The following PCDHA2 variants were observed in gnomAD, a reference collection of about 807,000 sequenced individuals.
The protein encoded by PCDHA2 is protocadherin alpha-2.
PCDHA2 carries 58 observed loss-of-function variants against 66.0 expected under a neutral mutation model. The observed-to-expected ratio is 0.88, with a 90% confidence interval of 0.71 to 1.09. The LOEUF (loss-of-function observed/expected upper bound fraction) is 1.09, where lower values mean the gene tolerates loss of function less well. Ranked by LOEUF, PCDHA2 falls within the 50% of genes least tolerant of loss-of-function variation. The pLI, the probability that PCDHA2 is intolerant of heterozygous loss-of-function variation, is 0.00. For missense variants in PCDHA2, 1,267 were observed against 1,242.3 expected (o/e 1.02, Z -0.30); for synonymous variants, 634 against 554.0 (o/e 1.14, Z -2.03).
chr5:140,914,639 G>C (rs1348153716), intron 1 of PCDHA2, among the ~76,000 whole-genome samples: 5 of 151,890 alleles, frequency 3.3e-5, no homozygotes, highest in Admixed American at 3.3e-4. Context: ...TGGTTTCATG[G>C]TCATCTCTCC....
chr5:140,851,436 G>C, intron 1 of PCDHA2: 2 of 931,614 alleles, frequency 2.1e-6, no homozygotes, highest in East Asian at 2.3e-4. Context: ...TTAGAAAACA[G>C]TTGCTCCACT....
At chr5:141,000,223 G>A (rs1190945878) in intron 3 of PCDHA2, among the ~76,000 whole-genome samples, 2 of 151,642 alleles carry the variant, frequency 1.3e-5, no homozygotes, top group African/African-American at 4.8e-5. Flanking sequence ...AAATGCCTGT[G>A]TGGAGCTGAA....
rs186341301 is a variant in PCDHA2 at position 140,890,770 on chromosome 5, A to G, written c.2389-88179A>G. Among the ~76,000 whole-genome samples the G allele has an allele frequency of 8.0e-3, 1,216 of 152,240 alleles. 6 individuals are homozygous for G. Among genetic ancestry groups the G allele is most frequent in the African/African-American group, 0.019 (786 of 41,520 alleles). On this transcript the variant is annotated intron_variant, in intron 1 of 3. Transcript: ENST00000526136. Reference sequence around the variant, plus strand: ...CTGTCATGCTTTAAAAATATTTTAAAACCCCATAAGATATTAGTATTATTT... The same window carrying G: ...CTGTCATGCTTTAAAAATATTTTAAGACCCCATAAGATATTAGTATTATTT...
chr5:140,853,979 T>A, intron 1 of PCDHA2: 2 of 564,826 alleles, frequency 3.5e-6, no homozygotes, highest in Non-Finnish European at 4.6e-6. Flanking sequence ...TTGAGACCAA[T>A]GTAGTGAGAC....
At chr5:140,963,957 A>T (rs1585999636) in intron 1 of PCDHA2, among the ~76,000 whole-genome samples, 1 of 152,230 alleles carries the variant, frequency 6.6e-6, no homozygotes. Flanking sequence ...CACTGGCAGG[A>T]GTGTGACTGA....
At chr5:140,801,705 T>C in intron 1 of PCDHA2, 1 of 1,614,222 alleles carries the variant, frequency 6.2e-7, no homozygotes, top group Non-Finnish European at 8.5e-7. Context: ...GTTGTTGACT[T>C]ACAGTCTTGA....
intron 1 of PCDHA2, among the ~76,000 whole-genome samples, chr5:140,881,694 G>C (rs1375930995): frequency 6.6e-6 from 1 of 152,126 alleles, no homozygotes; most frequent in Non-Finnish European, 1.5e-5. Flanking sequence ...TCCTTTTGGA[G>C]TCAATGGCTG....
intron 3 of PCDHA2, among the ~76,000 whole-genome samples, chr5:140,999,230 G>A (rs2097851745): frequency 6.6e-6 from 1 of 152,194 alleles, no homozygotes; most frequent in Non-Finnish European, 1.5e-5. Flanking sequence ...TTTGAGAATA[G>A]GTGGTTAAAG....
chr5:140,798,546 G>A (rs1762336867), intron 1 of PCDHA2, among the ~76,000 whole-genome samples: 1 of 152,038 alleles, frequency 6.6e-6, no homozygotes. Flanking sequence ...TTATCATTAG[G>A]CCAATGTGTG....
rs782004703 is a variant in PCDHA2, at chr5:140,807,238, ACTT to A, written c.2388+9892_2388+9894del. 71 of 1,614,010 alleles carry A rather than the reference ACTT, an allele frequency of 4.4e-5. No individual in the cohort carries two copies. In the East Asian group the frequency reaches 7.4e-4, roughly 17 times the overall value. On this transcript the variant is annotated intron_variant, in intron 1 of 3. Coordinates refer to ENST00000526136, the MANE Select transcript of PCDHA2 (RefSeq NM_018905.3). ...AGGAATCCCGGCGTCTGCTGCTCTT[ACTT>A]CTTCTCCTCGCAGCCTGGGAGGCAG... is the stretch of plus-strand genomic sequence containing the variant.
intron 1 of PCDHA2, chr5:140,824,471 T>C (rs1044239282): frequency 9.9e-6 from 4 of 402,254 alleles, no homozygotes; most frequent in African/African-American, 2.1e-5. Context: ...TTTATTTTAT[T>C]GTTATTTTTT....
intron 1 of PCDHA2, chr5:140,853,539 T>A: frequency 1.0e-6 from 1 of 979,080 alleles, no homozygotes; most frequent in South Asian, 4.8e-5. Context: ...TCTTTTCAAG[T>A]TGTAATTACT....
intron 1 of PCDHA2, among the ~76,000 whole-genome samples, chr5:140,833,662 C>T (rs1772571447): frequency 6.6e-6 from 1 of 152,130 alleles, no homozygotes; most frequent in South Asian, 2.1e-4. Context: ...AATTCTTCCC[C>T]TTCAAAGATT....
intron 1 of PCDHA2, 127 bp from the exon 2 acceptor site, chr5:140,978,822 A>G: frequency 6.6e-7 from 1 of 1,521,216 alleles, no homozygotes; most frequent in Non-Finnish European, 8.8e-7. Context: ...GTTACACATG[A>G]AATGGCTCAT....
At chr5:140,798,446 G>A (rs1762328057) in intron 1 of PCDHA2, among the ~76,000 whole-genome samples, 2 of 152,192 alleles carry the variant, frequency 1.3e-5, no homozygotes, top group South Asian at 2.1e-4. Flanking sequence ...ATCACACTGG[G>A]GTTTTTCAGG....
At chr5:140,855,946 A>G in intron 1 of PCDHA2, 4 of 1,354,082 alleles carry the variant, frequency 3.0e-6, no homozygotes, top group Non-Finnish European at 4.0e-6. Flanking sequence ...GATCTCAGCC[A>G]TTTCGATAAA....
intron 1 of PCDHA2, chr5:140,967,461 G>A (rs782466677): frequency 6.8e-6 from 11 of 1,613,572 alleles, no homozygotes; most frequent in Non-Finnish European, 8.5e-6. Context: ...GCCGTGGATG[G>A]GGGCATCCCA....
intron 1 of PCDHA2, chr5:140,870,876 G>T: frequency 1.2e-6 from 2 of 1,613,958 alleles, no homozygotes; most frequent in Non-Finnish European, 1.7e-6. Flanking sequence ...ACGTGGTGGC[G>T]AAGGTGCGCG....
intron 1 of PCDHA2, chr5:140,927,906 CG>C: frequency 6.2e-7 from 1 of 1,614,180 alleles, no homozygotes. Context: ...ATCATGCCCC[CG>C]AACTGGACTT....
Sources: gnomAD v4.1 joint callset for allele counts (sites outside exome capture counted in the v4.1 genomes callset) on GRCh38, gnomAD v4.1.1 for gene constraint, MANE v1.5 for transcripts, NCBI Gene and HGNC (gene_info 2026-07-23, HGNC 2026-07-21) for gene names.